AMOTL1: variants seen among roughly 807,000 people sequenced by gnomAD.
AMOTL1 encodes angiomotin-like protein 1.
AMOTL1 carries 45 observed loss-of-function variants against 102.9 expected under a neutral mutation model. The ratio of observed to expected loss-of-function variants is 0.44; its 90% CI spans 0.34 to 0.56. The LOEUF (loss-of-function observed/expected upper bound fraction) is 0.56, where lower values mean the gene tolerates loss of function less well. Ranked by LOEUF, AMOTL1 falls within the 20% of genes least tolerant of loss-of-function variation. AMOTL1 has a pLI of 0.01. For synonymous variants in AMOTL1, 481 were observed against 484.7 expected, an observed-to-expected ratio of 0.99 and a Z score of 0.10; for missense variants, 1,114 against 1,225.6, an observed-to-expected ratio of 0.91 and a Z score of 1.36.
intron 6 of AMOTL1, among the ~76,000 whole-genome samples, chr11:94,836,576 T>A (rs1952186606): frequency 6.6e-6 from 1 of 152,214 alleles, no homozygotes; most frequent in Admixed American, 6.5e-5. Context: ...GGCTTGAAAT[T>A]ATCCTTATGC....
chr11:94,752,322 G>A (rs1950666582), intron 3 of AMOTL1, among the ~76,000 whole-genome samples: 1 of 152,044 alleles, frequency 6.6e-6, no homozygotes, highest in Non-Finnish European at 1.5e-5. Flanking sequence ...ATTGGAATAT[G>A]GACAGAAAAG....
intron 2 of AMOTL1, chr11:94,740,897 G>C (rs1385557319): frequency 1.6e-6 from 2 of 1,286,486 alleles, no homozygotes; most frequent in East Asian, 1.1e-4. Flanking sequence ...CGTCCTGAAT[G>C]GTAGCGATTC....
At chr11:94,754,364 G>A (rs1044810666) in intron 3 of AMOTL1, among the ~76,000 whole-genome samples, 4 of 152,132 alleles carry the variant, frequency 2.6e-5, no homozygotes, top group Admixed American at 2.6e-4. Flanking sequence ...GGGTCCCTGT[G>A]ACCAAATGCT....
intron 3 of AMOTL1, among the ~76,000 whole-genome samples, chr11:94,819,787 A>G (rs532841201): frequency 4.3e-4 from 66 of 152,286 alleles, no homozygotes; most frequent in African/African-American, 1.5e-3. Context: ...TAAACTTTCT[A>G]AATTGATTGA....
chr11:94,745,099 T>C (rs2135482827), intron 3 of AMOTL1, among the ~76,000 whole-genome samples: 1 of 152,254 alleles, frequency 6.6e-6, no homozygotes, highest in South Asian at 2.1e-4. Context: ...AGGGTACATG[T>C]GCACAACATG....
intron 6 of AMOTL1, among the ~76,000 whole-genome samples, chr11:94,833,650 C>T (rs1952117778): frequency 6.6e-6 from 1 of 152,148 alleles, no homozygotes; most frequent in Non-Finnish European, 1.5e-5. Context: ...CATATTTAGG[C>T]AGCTAACTTG....
In AMOTL1 at chr11:94,707,242, C is replaced by CTG. The variant is rs1361762000; in HGVS notation, c.-51+646_-51+647insGT. Reference sequence around the variant, plus strand: ...TCTCTCTCTCTCTCTCTCTCTCTCTCTCTCTCTCTGTGTGTGTGTGTGTGT... The same window carrying CTG: ...TCTCTCTCTCTCTCTCTCTCTCTCTCTGTCTCTCTCTGTGTGTGTGTGTGTGT... On this transcript the variant is annotated intron_variant, in intron 1 of 4. Coordinates refer to the AMOTL1 transcript ENST00000299004. Among the ~76,000 whole-genome samples, 33 of 50,666 alleles carry CTG rather than the reference C, an allele frequency of 6.5e-4. 1 individual carries two copies. In the South Asian group the frequency reaches 0.016, roughly 24 times the overall value. The allele number at this position is 50,666 out of a possible 152,430, so 33.2% of individuals were successfully genotyped here.
At position 94,873,689 on chromosome 11, in the gene AMOTL1, T is replaced by A. The variant is rs1367337405; in HGVS notation, c.*2894T>A. 6.6e-6 allele frequency: 1 copy of A among 152,086 alleles called. No homozygotes were observed. Among genetic ancestry groups the A allele is most frequent in the African/African-American group, 2.4e-5 (1 of 41,394 alleles). 9.4% of individuals were successfully genotyped at this position (152,086 alleles called of 1,614,324 possible). The stretch of plus-strand genomic sequence containing the variant: ...ACAAAGTTTGGAGAGGCACTGGGCA[T>A]AGACCCTGGCTGTACAGCCTCTAAC... On this transcript the variant is annotated 3_prime_UTR_variant, in exon 13 of 13. Transcript: ENST00000433060.
chr11:94,829,650 G>A (rs1028465648), intron 4 of AMOTL1, among the ~76,000 whole-genome samples: 4 of 152,108 alleles, frequency 2.6e-5, no homozygotes. Flanking sequence ...TGGAAACTTG[G>A]GTTCTAATTA....
At chr11:94,819,970 T>C (rs1951835034) in intron 3 of AMOTL1, among the ~76,000 whole-genome samples, 3 of 152,176 alleles carry the variant, frequency 2.0e-5, no homozygotes, top group South Asian at 4.1e-4. Flanking sequence ...ATCTCAAAGA[T>C]AGGAGCTAAT....
At chr11:94,820,190 C>T (rs1951838364) in intron 3 of AMOTL1, 1 of 152,198 alleles carries the variant, frequency 6.6e-6, no homozygotes, top group African/African-American at 2.4e-5. Context: ...CCCTTCTCCC[C>T]ATCCATGATA....
intron 1 of AMOTL1, among the ~76,000 whole-genome samples, chr11:94,720,803 C>T (rs566042029): frequency 1.3e-5 from 2 of 151,978 alleles, no homozygotes; most frequent in Admixed American, 1.3e-4. Flanking sequence ...ATCAGCTGGG[C>T]TAGAGAGGTG....
chr11:94,869,075 T>TG (rs1375021608), intron 11 of AMOTL1, 123 bp from the exon 12 acceptor site: 3 of 1,178,640 alleles, frequency 2.5e-6, no homozygotes, highest in East Asian at 2.7e-5. Flanking sequence ...ATTAAATGCT[T>TG]GGGGAATGAA....
intron 3 of AMOTL1, among the ~76,000 whole-genome samples, chr11:94,821,240 G>A (rs941302902): frequency 1.4e-4 from 22 of 152,154 alleles, no homozygotes; most frequent in African/African-American, 5.3e-4. Flanking sequence ...TTATTCTTTG[G>A]AGAGTACTTG....
chr11:94,740,968 C>G (rs72971737), exon 3 of AMOTL1: 47,788 of 1,288,860 alleles, frequency 0.037, 989 homozygotes, highest in Non-Finnish European at 0.042. Context: ...TCGCCCGCAT[C>G]CTACAGCCCA....
rs1470278444 is a variant in AMOTL1, at chr11:94,799,156, A to T, written c.200-234A>T. Among the ~76,000 whole-genome samples, 1 of 152,096 alleles carries T rather than the reference A, an allele frequency of 6.6e-6. No individual in the cohort carries two copies. Among genetic ancestry groups the T allele is most frequent in the Middle Eastern group, 3.2e-3 (1 of 316 alleles). On this transcript the variant is annotated intron_variant, in intron 2 of 12. Coordinates refer to ENST00000433060, the MANE Select transcript of AMOTL1 (RefSeq NM_130847.3). The surrounding 1 kb of genome is among the most constrained non-coding windows in gnomAD (Gnocchi z 4.5). Reference sequence around the variant, plus strand: ...TTAGAGAAAAGGGAGGGGTTGAAGGATGGAACAATGTTTAAGAGGAAGCAG... The same window carrying T: ...TTAGAGAAAAGGGAGGGGTTGAAGGTTGGAACAATGTTTAAGAGGAAGCAG...
chr11:94,842,268 C>T (rs775877954), intron 6 of AMOTL1, among the ~76,000 whole-genome samples: 3 of 152,054 alleles, frequency 2.0e-5, no homozygotes, highest in South Asian at 4.2e-4. Context: ...AGAAGGGTTT[C>T]GACGCACCGT....
At chr11:94,831,420 T>C (rs759991358) in intron 5 of AMOTL1, 32 bp from the exon 6 acceptor site, 5 of 1,546,304 alleles carry the variant, frequency 3.2e-6, no homozygotes, top group Non-Finnish European at 4.5e-6. Context: ...TCCATATACA[T>C]TTCTTTGTAA....
chr11:94,720,486 T>C (rs144024520), intron 1 of AMOTL1, among the ~76,000 whole-genome samples: 1 of 152,216 alleles, frequency 6.6e-6, no homozygotes, highest in Non-Finnish European at 1.5e-5. Context: ...TTTGTTAAAA[T>C]GAAATGGCTT....
Sources: allele counts gnomAD v4.1 joint callset (sites outside exome capture counted in the v4.1 genomes callset), GRCh38; gene constraint gnomAD v4.1.1; non-coding constraint Gnocchi (gnomAD v3.1); transcripts MANE v1.5; gene names NCBI Gene and HGNC (gene_info 2026-07-23, HGNC 2026-07-21).